RASGRF1: variants seen among roughly 807,000 people sequenced by gnomAD.
RASGRF1 encodes ras-specific guanine nucleotide-releasing factor 1.
A neutral mutation model predicts 138.7 loss-of-function variants in RASGRF1; 40 were observed. The ratio of observed to expected loss-of-function variants is 0.29; its 90% CI spans 0.22 to 0.38. The LOEUF (loss-of-function observed/expected upper bound fraction) is 0.38. RASGRF1 is among the 10% of genes least tolerant of loss of function. RASGRF1 has a pLI of 1.00. For missense variants in RASGRF1, 1,108 were observed against 1,650.4 expected (o/e 0.67, Z 5.69); for synonymous variants, 614 against 663.2 (o/e 0.93, Z 1.14).
chr15:78,999,255 C>G (rs1015022282), intron 17 of RASGRF1, among the ~76,000 whole-genome samples: 2 of 152,054 alleles, frequency 1.3e-5, no homozygotes, highest in African/African-American at 4.8e-5. Context: ...GGCCAAGTAG[C>G]AAAGGGCGAT....
intron 14 of RASGRF1, chr15:79,005,535 T>G: frequency 2.0e-6 from 2 of 985,710 alleles, no homozygotes; most frequent in Non-Finnish European, 2.4e-6. Flanking sequence ...CCTGAGCCAA[T>G]CCCTGAACTT....
In RASGRF1 at chr15:79,053,230, G is replaced by A. The variant is rs534327929; in HGVS notation, c.532-3642C>T. On this transcript the variant is annotated intron_variant, in intron 3 of 26. Coordinates refer to ENST00000558480, the MANE Select transcript of RASGRF1 (RefSeq NM_001145648.3). ...CAGTGAGCCGAGATTGTGCCATTGC[G>A]CTCCAGCCTGGGCGACAAGATCGAA... 1.7e-4 allele frequency among the ~76,000 whole-genome samples: 26 copies of A among 151,992 alleles called. 1 individual carries two copies. The highest frequency in any genetic ancestry group is 5.6e-4 in the African/African-American group (23 of 41,432).
chr15:78,997,898 G>C, intron 19 of RASGRF1, 198 bp downstream of exon 19: 1 of 588,158 alleles, frequency 1.7e-6, no homozygotes, highest in Non-Finnish European at 3.0e-6. Context: ...TGGGGAGAGA[G>C]GAAAGAAGGA....
Position 79,005,439 on chromosome 15 carries a change from G to A in RASGRF1, c.2075+747C>T, listed in dbSNP as rs561647745. 1.1e-4 allele frequency: 111 copies of A among 985,420 alleles called. No homozygotes were observed. The African/African-American group carries it at 1.8e-3, about 16-fold the overall frequency. The allele number at this position is 985,420 out of a possible 1,614,324, so 61.0% of individuals were successfully genotyped here. On this transcript the variant is annotated intron_variant, in intron 14 of 26. Coordinates refer to ENST00000558480, the MANE Select transcript of RASGRF1 (RefSeq NM_001145648.3). ...TCTGAGCCTCTGAGGGCTGGGATGG[G>A]CTGTCCACAACTGGGATCTGGGTAG...
intron 26 of RASGRF1, among the ~76,000 whole-genome samples, chr15:78,970,615 C>T (rs1458915268): frequency 1.1e-4 from 11 of 99,498 alleles, no homozygotes; most frequent in Non-Finnish European, 1.6e-4. Flanking sequence ...GAGTGAGACT[C>T]TGTCTCAAAA....
At chr15:79,019,341 C>T (rs2056926057) in intron 11 of RASGRF1, among the ~76,000 whole-genome samples, 1 of 152,180 alleles carries the variant, frequency 6.6e-6, no homozygotes, top group African/African-American at 2.4e-5. Context: ...ATCCCACCCC[C>T]TAATCTGAAT....
Position 78,998,055 on chromosome 15 carries a change from C to T in RASGRF1, c.2966+41G>A, listed in dbSNP as rs1385415861. 4.5e-6 allele frequency: 7 copies of T among 1,551,800 alleles called. No individual in the cohort carries two copies. The South Asian group carries it at 6.7e-5, about 15-fold the overall frequency. On this transcript the variant is annotated intron_variant, in intron 19 of 26. Coordinates refer to ENST00000558480, the MANE Select transcript of RASGRF1 (RefSeq NM_001145648.3). ...GAGGCAGAAGGCAGGGCTCCTGTCC[C>T]AGCAGGCAGTTCTGAGCCAGGAACC...
rs2055768234 is a variant in RASGRF1 at position 78,971,885 on chromosome 15, T to C, written c.3662A>G (p.Lys1221Arg). The C allele has an allele frequency of 6.3e-7, 1 of 1,586,610 alleles. No individual in the cohort carries two copies. Reference sequence around the variant, plus strand: ...GCTTACCTTTGCTTGGTGCTCTATTTTGTAGGCAGTTTGTTGAAACTGGCG... The same window carrying C: ...GCTTACCTTTGCTTGGTGCTCTATTCTGTAGGCAGTTTGTTGAAACTGGCG... ...EIRQFQQTAY[K>R]IEHQAKVTQY... Residue 1221 changes from lysine to arginine, a missense_variant, in exon 26 of 27, where the codon AAA (lysine) becomes AGA (arginine). Transcript: ENST00000558480.
At position 78,987,483 on chromosome 15, in the gene RASGRF1, G is replaced by A. The variant is rs527810411; in HGVS notation, c.3217-2279C>T. ...AGCTGAGGCGGGTGGATCACCTGAGGTCCGGAGTTTGAGACCAGCCTGGGC... is the reference window on the plus strand; with the variant it reads ...AGCTGAGGCGGGTGGATCACCTGAGATCCGGAGTTTGAGACCAGCCTGGGC... On this transcript the variant is annotated intron_variant, in intron 22 of 26. Transcript: ENST00000558480. 7.9e-5 allele frequency among the ~76,000 whole-genome samples: 12 copies of A among 152,156 alleles called. No homozygotes were observed. In the South Asian group the frequency reaches 2.5e-3, roughly 32 times the overall value.
At chr15:79,028,227 C>T (rs752170605) in intron 8 of RASGRF1, among the ~76,000 whole-genome samples, 2 of 152,154 alleles carry the variant, frequency 1.3e-5, no homozygotes, top group Non-Finnish European at 2.9e-5. Flanking sequence ...CAGGAGACAT[C>T]CTGTGTTCAT....
At chr15:78,964,964 C>T (rs771298846) in intron 26 of RASGRF1, among the ~76,000 whole-genome samples, 1 of 151,776 alleles carries the variant, frequency 6.6e-6, no homozygotes, top group Non-Finnish European at 1.5e-5. Flanking sequence ...GTGATCCACC[C>T]TCCTCGGCCT....
In RASGRF1 at chr15:79,000,116, C is replaced by T. The variant is rs536549379; in HGVS notation, c.2576-203G>A. 5.9e-5 allele frequency among the ~76,000 whole-genome samples: 9 copies of T among 152,190 alleles called. No homozygotes were observed. In the South Asian group the frequency reaches 1.9e-3, roughly 32 times the overall value. On this transcript the variant is annotated intron_variant, in intron 16 of 26. Coordinates refer to ENST00000558480, the MANE Select transcript of RASGRF1 (RefSeq NM_001145648.3). Reference sequence around the variant, plus strand: ...TCTGGGGAGAGTCACACCACAACACCCTCAGGGCTGTCCCAGGTTGGGGAG... The same window carrying T: ...TCTGGGGAGAGTCACACCACAACACTCTCAGGGCTGTCCCAGGTTGGGGAG...
In RASGRF1 at chr15:78,961,930, G is replaced by C. The variant is rs1214147634; in HGVS notation, c.*214C>G. ...AGAGTACAGCTGTTTAAAAGAAACAGGCACTGCAGGAGACGAGGGGAGGGA... is the reference window on the plus strand; with the variant it reads ...AGAGTACAGCTGTTTAAAAGAAACACGCACTGCAGGAGACGAGGGGAGGGA... On this transcript the variant is annotated 3_prime_UTR_variant, in exon 27 of 27. Transcript: ENST00000558480. The C allele has an allele frequency of 3.8e-6, 2 of 524,956 alleles. No homozygotes were observed. The highest frequency in any genetic ancestry group is 6.8e-6 in the Non-Finnish European group (2 of 291,998). 32.5% of individuals were successfully genotyped at this position (524,956 alleles called of 1,614,324 possible).
At position 79,046,640 on chromosome 15, in the gene RASGRF1, T is replaced by G; in HGVS notation, c.878+106A>C. ...TGGGCACTTCTGTCCTCTCTGGGCC[T>G]CATCTGCACTCGGTGGGAACCACGT... On this transcript the variant is annotated intron_variant, in intron 5 of 26. Coordinates refer to ENST00000558480, the MANE Select transcript of RASGRF1 (RefSeq NM_001145648.3). This position sits in a 1 kb window ranked among gnomAD's most constrained non-coding sequence, Gnocchi z 5.3. 1.3e-6 allele frequency: 2 copies of G among 1,533,578 alleles called. No homozygotes were observed. The highest frequency in any genetic ancestry group is 1.8e-6 in the Non-Finnish European group (2 of 1,125,634). The allele number at this position is 1,533,578 out of a possible 1,614,324, so 95.0% of individuals were successfully genotyped here.
intron 26 of RASGRF1, among the ~76,000 whole-genome samples, chr15:78,964,176 A>AT (rs1235181342): frequency 6.7e-5 from 10 of 149,890 alleles, no homozygotes; most frequent in African/African-American, 1.7e-4. Flanking sequence ...ATATTTATTT[A>AT]TTTATTTTTT....
chr15:78,985,364 G>C lies in RASGRF1; in HGVS notation c.3217-160C>G, dbSNP rs922259438. On this transcript the variant is annotated intron_variant, in intron 22 of 26. Coordinates refer to ENST00000558480, the MANE Select transcript of RASGRF1 (RefSeq NM_001145648.3). Reference sequence around the variant, plus strand: ...GAGCTTGCTAGGGTTGCTGGCTAAAGGTTCAATATACAAAAATGAAAAGTT... The same window carrying C: ...GAGCTTGCTAGGGTTGCTGGCTAAACGTTCAATATACAAAAATGAAAAGTT... 3 of 712,866 alleles carry C rather than the reference G, an allele frequency of 4.2e-6. No individual in the cohort carries two copies. The African/African-American group carries it at 5.4e-5, about 13-fold the overall frequency. 44.2% of individuals were successfully genotyped at this position (712,866 alleles called of 1,614,324 possible). A position where few individuals can be genotyped will look rare whatever the true frequency, so the allele number is the denominator to read the frequency against.
In RASGRF1 at chr15:79,073,981, C is replaced by G. The variant is rs372248918; in HGVS notation, c.277-9455G>C. Among the ~76,000 whole-genome samples, 1 of 152,340 alleles carries G rather than the reference C, an allele frequency of 6.6e-6. No individual in the cohort carries two copies. The highest frequency in any genetic ancestry group is 3.4e-3 in the Middle Eastern group (1 of 294). Reference sequence around the variant, plus strand: ...CTTGAGATAAAACTACATGTGGGGCCAGGACTGTCTTCAGTCTTGCTGGGT... The same window carrying G: ...CTTGAGATAAAACTACATGTGGGGCGAGGACTGTCTTCAGTCTTGCTGGGT... On this transcript the variant is annotated intron_variant, in intron 1 of 26. Coordinates refer to ENST00000558480, the MANE Select transcript of RASGRF1 (RefSeq NM_001145648.3). The surrounding 1 kb of genome is among the most constrained non-coding windows in gnomAD (Gnocchi z 4.2).
chr15:78,962,589 A>T (rs1244119429), intron 26 of RASGRF1, among the ~76,000 whole-genome samples: 1 of 152,232 alleles, frequency 6.6e-6, no homozygotes, highest in Non-Finnish European at 1.5e-5. Context: ...GTATATTTGA[A>T]AAGTTTCATA....
chr15:78,997,951 C>T, intron 19 of RASGRF1, 145 bp downstream of exon 19: 1 of 671,824 alleles, frequency 1.5e-6, no homozygotes, highest in East Asian at 2.7e-5. Context: ...AAGAGCTCAC[C>T]TCTACCCCAG....
Sources: gnomAD v4.1 joint callset for allele counts (sites outside exome capture counted in the v4.1 genomes callset) on GRCh38, gnomAD v4.1.1 for gene constraint, Gnocchi (gnomAD v3.1) non-coding constraint, MANE v1.5 for transcripts, NCBI Gene and HGNC (gene_info 2026-07-23, HGNC 2026-07-21) for gene names.